The following BCAR3 variants were observed in gnomAD, a reference collection of about 807,000 sequenced individuals.
BCAR3 encodes BCAR3 adaptor protein, NSP family member, also known as breast cancer anti-estrogen resistance protein 3.
In BCAR3, 37 loss-of-function variants were observed where a neutral mutation model predicts 80.1. That is an observed-to-expected ratio of 0.46 (90% CI 0.36 to 0.61). The LOEUF (loss-of-function observed/expected upper bound fraction) is 0.61, where lower values mean the gene tolerates loss of function less well. BCAR3 is among the 20% of genes least tolerant of loss of function. BCAR3 has a pLI of 0.00. For synonymous variants in BCAR3, 389 were observed against 418.9 expected (o/e 0.93, Z 0.87); for missense variants, 978 against 1,068.2 (o/e 0.92, Z 1.18).
At chr1:93,635,326 A>G (rs1179268778) in intron 3 of BCAR3, among the ~76,000 whole-genome samples, 1 of 148,854 alleles carries the variant, frequency 6.7e-6, no homozygotes, top group Non-Finnish European at 1.5e-5. Flanking sequence ...GGTTGTCTCC[A>G]GTTTTTGTTT....
chr1:93,608,261 C>T (rs1237498069), intron 3 of BCAR3, among the ~76,000 whole-genome samples: 3 of 152,228 alleles, frequency 2.0e-5, no homozygotes, highest in African/African-American at 7.2e-5. Flanking sequence ...ACTGTGGACA[C>T]ACACTGGAAA....
intron 3 of BCAR3, among the ~76,000 whole-genome samples, chr1:93,604,034 G>A (rs1674702377): frequency 6.6e-6 from 1 of 152,160 alleles, no homozygotes; most frequent in Non-Finnish European, 1.5e-5. Context: ...CCAAATCCTA[G>A]AAAGAATCTC....
At chr1:93,591,121 T>G (rs1189810543) in intron 4 of BCAR3, among the ~76,000 whole-genome samples, 1 of 127,022 alleles carries the variant, frequency 7.9e-6, no homozygotes, top group East Asian at 2.2e-4. Flanking sequence ...AAAAACAAAG[T>G]CAGAATAATA....
chr1:93,775,665 C>T (rs758736152), intron 2 of BCAR3, among the ~76,000 whole-genome samples: 2 of 152,078 alleles, frequency 1.3e-5, no homozygotes, highest in Admixed American at 6.6e-5. Context: ...GAAATAAATA[C>T]GATTTTCCAC....
At chr1:93,564,622 G>C (rs1672864225) in intron 11 of BCAR3, among the ~76,000 whole-genome samples, 1 of 152,018 alleles carries the variant, frequency 6.6e-6, no homozygotes, top group African/African-American at 2.4e-5. Context: ...TTTCTCCTAT[G>C]TTTTCTTACA....
intron 3 of BCAR3, among the ~76,000 whole-genome samples, chr1:93,630,857 C>T (rs1274844599): frequency 6.6e-6 from 1 of 152,136 alleles, no homozygotes; most frequent in African/African-American, 2.4e-5. Context: ...ACTGTTTAAT[C>T]CCCGATCTTC....
chr1:93,661,069 T>C (rs113201526), intron 2 of BCAR3, among the ~76,000 whole-genome samples: 4,474 of 148,506 alleles, frequency 0.03, 96 homozygotes, highest in East Asian at 0.082. Flanking sequence ...GATGGAGTTT[T>C]GCTCTTGTTG....
chr1:93,822,036 A>T (rs570986717), intron 2 of BCAR3, among the ~76,000 whole-genome samples: 1 of 152,332 alleles, frequency 6.6e-6, no homozygotes, highest in South Asian at 2.1e-4. Flanking sequence ...AAGCTGGGAT[A>T]TGCTTGAAGA....
chr1:93,797,749 T>C (rs1212358351), intron 2 of BCAR3, among the ~76,000 whole-genome samples: 1 of 152,164 alleles, frequency 6.6e-6, no homozygotes, highest in Non-Finnish European at 1.5e-5. Flanking sequence ...TTATACAAAT[T>C]AAGTGAATTA....
intron 2 of BCAR3, among the ~76,000 whole-genome samples, chr1:93,708,905 T>G (rs1406504126): frequency 6.6e-6 from 1 of 152,200 alleles, no homozygotes; most frequent in East Asian, 1.9e-4. Context: ...CTGGCAGTAC[T>G]TAGAGCATTC....
Position 93,592,259 on chromosome 1 carries a change from A to G in BCAR3, c.486+6T>C, listed in dbSNP as rs1201731403. On this transcript the variant is annotated splice_donor_region_variant and intron_variant, in intron 4 of 11. Transcript: ENST00000260502. This position sits in a 1 kb window ranked among gnomAD's most constrained non-coding sequence, Gnocchi z 4.8. Reference sequence around the variant, plus strand: ...TGTATGCTCTGGAAGGGACAAGACCAGGTACCTGTCGGGGGATGCGGCCGT... The same window carrying G: ...TGTATGCTCTGGAAGGGACAAGACCGGGTACCTGTCGGGGGATGCGGCCGT... 1.9e-6 allele frequency: 3 copies of G among 1,613,486 alleles called. No homozygotes were observed. The highest frequency in any genetic ancestry group is 2.5e-6 in the Non-Finnish European group (3 of 1,180,008).
At chr1:93,695,529 A>G (rs1172791936) in intron 3 of BCAR3, among the ~76,000 whole-genome samples, 1 of 152,020 alleles carries the variant, frequency 6.6e-6, no homozygotes, top group African/African-American at 2.4e-5. Flanking sequence ...CTTTCTCTCT[A>G]TCTTTAATGC....
At chr1:93,845,096 T>C (rs1303801970) in intron 2 of BCAR3, among the ~76,000 whole-genome samples, 3 of 152,074 alleles carry the variant, frequency 2.0e-5, no homozygotes, top group Non-Finnish European at 1.5e-5. Flanking sequence ...CCTTAGCACA[T>C]TGTTTCTTTC....
intron 2 of BCAR3, among the ~76,000 whole-genome samples, chr1:93,646,027 T>C (rs112734662): frequency 1.5e-3 from 221 of 152,236 alleles, no homozygotes; most frequent in African/African-American, 5.2e-3. Context: ...CATGCCTAAA[T>C]ACCTCTATGT....
At chr1:93,568,394 C>G (rs968550588) in intron 9 of BCAR3, among the ~76,000 whole-genome samples, 1 of 152,154 alleles carries the variant, frequency 6.6e-6, no homozygotes, top group Non-Finnish European at 1.5e-5. Flanking sequence ...CACATACAGC[C>G]TGGCCTGCTG....
At chr1:93,584,926 GCATAAAA>G in intron 5 of BCAR3, 1 of 950,334 alleles carries the variant, frequency 1.1e-6, no homozygotes, top group Middle Eastern at 5.4e-4. Context: ...CTTCCCATAA[GCATAAAA>G]CATTGTTATG....
At chr1:93,714,273 G>A (rs1036201243) in intron 2 of BCAR3, among the ~76,000 whole-genome samples, 1 of 152,160 alleles carries the variant, frequency 6.6e-6, no homozygotes, top group African/African-American at 2.4e-5. Context: ...GAGCCACCGC[G>A]CCCGGCCCCA....
At chr1:93,613,772 G>A in intron 3 of BCAR3, 1 of 1,496,100 alleles carries the variant, frequency 6.7e-7, no homozygotes, top group Non-Finnish European at 9.0e-7. Context: ...TTTATCTATT[G>A]CCCTTTAGGA....
chr1:93,826,747 C>T (rs1011158750), intron 2 of BCAR3, among the ~76,000 whole-genome samples: 4 of 152,016 alleles, frequency 2.6e-5, no homozygotes, highest in South Asian at 2.1e-4. Flanking sequence ...ACACTGAAGT[C>T]GAAACTTGAA....
Sources: gnomAD v4.1 joint callset for allele counts (sites outside exome capture counted in the v4.1 genomes callset) on GRCh38, gnomAD v4.1.1 for gene constraint, Gnocchi (gnomAD v3.1) non-coding constraint, MANE v1.5 for transcripts, NCBI Gene and HGNC (gene_info 2026-07-23, HGNC 2026-07-21) for gene names.